IFT88: variants seen among roughly 807,000 people sequenced by gnomAD.
The protein encoded by IFT88 is intraflagellar transport protein 88 homolog.
A neutral mutation model predicts 119.5 loss-of-function variants in IFT88; 74 were observed. The ratio of observed to expected loss-of-function variants is 0.62; its 90% confidence interval spans 0.51 to 0.75. The LOEUF (loss-of-function observed/expected upper bound fraction) is 0.75. Among genes scored for constraint, IFT88 ranks in the 30% least tolerant of loss-of-function variants. The pLI is 0.00. For synonymous variants in IFT88, 279 were observed against 316.7 expected, an observed-to-expected ratio of 0.88 and a Z score of 1.26; for missense variants, 961 against 977.7, an observed-to-expected ratio of 0.98 and a Z score of 0.23.
intron 22 of IFT88, among the ~76,000 whole-genome samples, chr13:20,659,929 A>C (rs1238836057): frequency 6.6e-6 from 1 of 152,210 alleles, no homozygotes; most frequent in Non-Finnish European, 1.5e-5. Flanking sequence ...GGCGTGAGCC[A>C]CCGCGCCTGG....
At chr13:20,664,220 G>GTAA (rs1346182447) in intron 23 of IFT88, among the ~76,000 whole-genome samples, 4 of 152,188 alleles carry the variant, frequency 2.6e-5, no homozygotes, top group African/African-American at 9.7e-5. Flanking sequence ...GTGGGTCAGG[G>GTAA]TAATTTCTCT....
intron 2 of IFT88, among the ~76,000 whole-genome samples, chr13:20,578,529 C>G (rs1321826419): frequency 6.6e-6 from 1 of 151,804 alleles, no homozygotes; most frequent in African/African-American, 2.4e-5. Flanking sequence ...TTCTAATGAT[C>G]CTTCAAATTT....
chr13:20,625,861 A>C lies in IFT88; in HGVS notation c.1299+12A>C. The C allele has an allele frequency of 4.7e-6, 7 of 1,476,344 alleles. No individual in the cohort carries two copies. The highest frequency in any genetic ancestry group is 4.6e-6 in the Non-Finnish European group (5 of 1,082,254). 91.5% of individuals were successfully genotyped at this position (1,476,344 alleles called of 1,614,324 possible). A position where few individuals can be genotyped will look rare whatever the true frequency, so the allele number is the denominator to read the frequency against. On this transcript the variant is annotated intron_variant, in intron 15 of 25. Transcript: ENST00000351808. ...AAGACTATAACCAAGTAAGTTTTAA[A>C]AAAAATTTTAGATGGAATTCCATAT...
chr13:20,573,293 G>A (rs549287664), intron 1 of IFT88, among the ~76,000 whole-genome samples: 1 of 35,684 alleles, frequency 2.8e-5, no homozygotes, highest in Admixed American at 2.3e-4. Flanking sequence ...GAGAATTTCT[G>A]ACAGACAGCT....
At chr13:20,667,103 G>GTTC (rs2054838996) in intron 23 of IFT88, among the ~76,000 whole-genome samples, 1 of 152,102 alleles carries the variant, frequency 6.6e-6, no homozygotes, top group Non-Finnish European at 1.5e-5. Context: ...ACATCTTAGC[G>GTTC]TTGAAGTGAT....
At chr13:20,647,862 TG>T (rs2050978592) in intron 20 of IFT88, among the ~76,000 whole-genome samples, 1 of 152,132 alleles carries the variant, frequency 6.6e-6, no homozygotes, top group African/African-American at 2.4e-5. Context: ...GTGAATTCTA[TG>T]TAGGAAAAAC....
intron 19 of IFT88, among the ~76,000 whole-genome samples, chr13:20,644,420 G>A (rs2050432669): frequency 6.6e-6 from 1 of 152,094 alleles, no homozygotes; most frequent in South Asian, 2.1e-4. Context: ...AGAATTGCCT[G>A]AACCTGGGAG....
chr13:20,671,009 C>T lies in IFT88; in HGVS notation c.2212C>T (p.Arg738Cys), dbSNP rs770559035. The T allele has an allele frequency of 2.5e-6, 4 of 1,613,938 alleles. No homozygotes were observed. Among genetic ancestry groups the T allele is most frequent in the Non-Finnish European group, 2.5e-6 (3 of 1,179,922 alleles). Residue 738 changes from arginine to cysteine, a missense_variant, in exon 24 of 26, where the codon CGT becomes TGT. Physicochemically the swap from Arg to Cys is radical, Grantham distance 180. Transcript: ENST00000351808. The part of the protein sequence containing the change: ...KSGRDGSGGS[R>C]GKREGSASGD... ...AGGCAGAGATGGCAGTGGGGGCTCC[C>T]GTGGCAAAAGAGAAGGAAGTGCTAG...
intron 23 of IFT88, among the ~76,000 whole-genome samples, chr13:20,666,479 A>G (rs1566420212): frequency 6.6e-6 from 1 of 152,200 alleles, no homozygotes; most frequent in Non-Finnish European, 1.5e-5. Context: ...GATAACCCAT[A>G]GGACCCACCA....
rs371180374 is a variant in IFT88, at chr13:20,601,928, C to T, written c.1036C>T (p.Pro346Ser). The T allele has an allele frequency of 1.3e-6, 2 of 1,531,276 alleles. No homozygotes were observed. Among genetic ancestry groups the T allele is most frequent in the Admixed American group, 1.7e-5 (1 of 59,444 alleles). 94.9% of individuals were successfully genotyped at this position (1,531,276 alleles called of 1,614,324 possible). A position where few individuals can be genotyped will look rare whatever the true frequency, so the allele number is the denominator to read the frequency against. ...LEIDEDKYISPSDDPHTNLVT... is the reference protein window; with the variant it reads ...LEIDEDKYISSSDDPHTNLVT... ...AATTGATGAAGATAAATATATTTCA[C>T]CAAGTGTGAGTATGAAAAAGACATT... Residue 346 changes from proline to serine, a missense_variant, in exon 12 of 26, where the codon CCA (proline) becomes TCA (serine). By Grantham distance (74) the Pro-to-Ser change is moderately conservative (BLOSUM62 -1). Coordinates refer to ENST00000351808, the MANE Select transcript of IFT88 (RefSeq NM_006531.5).
At chr13:20,592,692 A>G (rs900097524) in intron 7 of IFT88, among the ~76,000 whole-genome samples, 1 of 151,970 alleles carries the variant, frequency 6.6e-6, no homozygotes, top group Admixed American at 6.6e-5. Context: ...CTGGTCTCGA[A>G]CTCCCAATCT....
intron 22 of IFT88, among the ~76,000 whole-genome samples, chr13:20,659,894 A>G (rs2053508667): frequency 6.6e-6 from 1 of 152,106 alleles, no homozygotes; most frequent in African/African-American, 2.4e-5. Context: ...TGCCCGCCTC[A>G]GCCTCCCAAA....
Position 20,671,003 on chromosome 13 carries a change from G to A in IFT88, c.2206G>A (p.Gly736Ser). The A allele has an allele frequency of 6.2e-7, 1 of 1,613,936 alleles. No individual in the cohort carries two copies. The highest frequency in any genetic ancestry group is 8.5e-7 in the Non-Finnish European group (1 of 1,179,930). The change falls in exon 24 of 26, where the codon GGC becomes AGC. Residue 736 changes from glycine to serine, a missense_variant. Gly to Ser is a moderately conservative substitution (Grantham distance 56, BLOSUM62 0). Transcript: ENST00000351808. ...AAAGTCAGGCAGAGATGGCAGTGGG[G>A]GCTCCCGTGGCAAAAGAGAAGGAAG... ...RIKSGRDGSG[G>S]SRGKREGSAS...
chr13:20,602,156 T>TA (rs1002678705), intron 12 of IFT88, among the ~76,000 whole-genome samples: 6 of 149,860 alleles, frequency 4.0e-5, no homozygotes, highest in Admixed American at 1.3e-4. Context: ...ACAATTTTAG[T>TA]AAAAAAATCA....
chr13:20,597,077 A>G lies in IFT88; in HGVS notation c.552A>G (p.Gln184=). The change falls in exon 9 of 26, where the codon CAA becomes CAG. Residue 184 remains glutamine, a synonymous_variant. Coordinates refer to ENST00000351808, the MANE Select transcript of IFT88 (RefSeq NM_006531.5). The stretch of plus-strand genomic sequence containing the variant: ...GAGTCCTGGTGAGACAGCGAGAACA[A>G]GTTACAACTCCAGAAAATATCAATT... ...KERVLVRQRE[Q]VTTPENINLD... 6.2e-7 allele frequency: 1 copy of G among 1,607,132 alleles called. No homozygotes were observed. Among genetic ancestry groups the G allele is most frequent in the Non-Finnish European group, 8.5e-7 (1 of 1,176,486 alleles).
At chr13:20,574,601 G>C (rs2037015267) in intron 2 of IFT88, 126 bp downstream of exon 2, 1 of 483,258 alleles carries the variant, frequency 2.1e-6, no homozygotes, top group African/African-American at 2.0e-5. Flanking sequence ...ACCTAGAAAA[G>C]TGCTATTACA....
intron 24 of IFT88, among the ~76,000 whole-genome samples, chr13:20,689,827 G>T (rs896751264): frequency 6.6e-6 from 1 of 152,104 alleles, no homozygotes; most frequent in Non-Finnish European, 1.5e-5. Flanking sequence ...CACTCAGGCA[G>T]TTTAAAAGAC....
chr13:20,666,572 G>A (rs1327604032), intron 23 of IFT88, among the ~76,000 whole-genome samples: 2 of 151,946 alleles, frequency 1.3e-5, no homozygotes, highest in African/African-American at 4.8e-5. Context: ...AGGTTTAAAG[G>A]GAAAAAATGT....
chr13:20,660,937 A>G lies in IFT88; in HGVS notation c.2069-2561A>G, dbSNP rs1346578477. 4.6e-5 allele frequency among the ~76,000 whole-genome samples: 7 copies of G among 152,110 alleles called. No homozygotes were observed. In the East Asian group the frequency reaches 1.3e-3, roughly 29 times the overall value. On this transcript the variant is annotated intron_variant, in intron 22 of 25. Transcript: ENST00000351808. ...TTAGCACATATTTTTGTGCTCTGTT[A>G]TTATATATATTATCAGTAATACTTT... is the stretch of plus-strand genomic sequence containing the variant.
Sources: allele counts gnomAD v4.1 joint callset (sites outside exome capture counted in the v4.1 genomes callset), GRCh38; gene constraint gnomAD v4.1.1; transcripts MANE v1.5; gene names NCBI Gene and HGNC (gene_info 2026-07-23, HGNC 2026-07-21).